Variants in NEGR1 observed in about 807,000 individuals in gnomAD.
NEGR1 encodes the protein IgLON family member 4.
NEGR1 carries 10 observed loss-of-function variants against 40.9 expected under a neutral mutation model. The ratio of observed to expected loss-of-function variants is 0.24; its 90% CI spans 0.15 to 0.42. The LOEUF is 0.42. Among genes scored for constraint, NEGR1 ranks in the 10% least tolerant of loss-of-function variants. NEGR1 has a pLI of 1.00. For synonymous variants in NEGR1, 185 were observed against 166.8 expected (o/e 1.11, Z -0.84); for missense variants, 352 against 438.9 (o/e 0.80, Z 1.77).
chr1:72,068,027 C>A (rs1340775139), intron 1 of NEGR1, among the ~76,000 whole-genome samples: 1 of 152,190 alleles, frequency 6.6e-6, no homozygotes, highest in Non-Finnish European at 1.5e-5. Flanking sequence ...GGAGGAGCAT[C>A]TCTTTTTTAT....
chr1:72,076,667 C>T (rs1647751378), intron 1 of NEGR1, among the ~76,000 whole-genome samples: 2 of 151,972 alleles, frequency 1.3e-5, no homozygotes, highest in South Asian at 2.1e-4. Flanking sequence ...TCCGTGTGTG[C>T]GTATGTGTGT....
At chr1:71,594,892 A>T (rs1649645094) in intron 5 of NEGR1, among the ~76,000 whole-genome samples, 1 of 152,148 alleles carries the variant, frequency 6.6e-6, no homozygotes, top group Non-Finnish European at 1.5e-5. Flanking sequence ...AGACTACTAA[A>T]TCCCTGTTGT....
At chr1:71,702,719 A>G (rs1055342976) in intron 3 of NEGR1, among the ~76,000 whole-genome samples, 5 of 99,302 alleles carry the variant, frequency 5.0e-5, no homozygotes, top group Non-Finnish European at 1.0e-4. Flanking sequence ...AATGAGCAAA[A>G]CTTATTTAAA....
At chr1:71,718,391 A>G (rs1032381324) in intron 3 of NEGR1, among the ~76,000 whole-genome samples, 1 of 152,106 alleles carries the variant, frequency 6.6e-6, no homozygotes, top group Non-Finnish European at 1.5e-5. Flanking sequence ...CCATGATTGA[A>G]AGTTCCTTGA....
At chr1:72,259,838 T>G (rs114872961) in intron 1 of NEGR1, among the ~76,000 whole-genome samples, 2 of 152,206 alleles carry the variant, frequency 1.3e-5, no homozygotes, top group African/African-American at 4.8e-5. Flanking sequence ...GCAGGCAAAA[T>G]CGCTATGCAG....
intron 1 of NEGR1, among the ~76,000 whole-genome samples, chr1:72,160,283 A>G (rs1283315900): frequency 6.6e-6 from 1 of 152,146 alleles, no homozygotes; most frequent in African/African-American, 2.4e-5. Context: ...GACTTTTCTC[A>G]CTGGAATATT....
chr1:71,751,111 G>A (rs1369822686), intron 3 of NEGR1, among the ~76,000 whole-genome samples: 1 of 151,006 alleles, frequency 6.6e-6, no homozygotes, highest in African/African-American at 2.4e-5. Context: ...TCTTTAGCCT[G>A]TATCCCTTTT....
chr1:71,935,030 T>C (rs368414687), intron 2 of NEGR1, 49 bp downstream of exon 2: 2 of 1,090,364 alleles, frequency 1.8e-6, no homozygotes, highest in Admixed American at 1.9e-5. Flanking sequence ...AAATATTAAA[T>C]ATTTCTAAGC....
intron 1 of NEGR1, among the ~76,000 whole-genome samples, chr1:72,195,107 A>G (rs1276577490): frequency 6.6e-6 from 1 of 152,076 alleles, no homozygotes; most frequent in Admixed American, 6.6e-5. Flanking sequence ...ACATAGCTCT[A>G]CATTCAATAT....
chr1:71,634,571 G>A (rs916392533), intron 4 of NEGR1, among the ~76,000 whole-genome samples: 1 of 152,052 alleles, frequency 6.6e-6, no homozygotes, highest in Non-Finnish European at 1.5e-5. Context: ...TCCTAAATAG[G>A]TAAAAACTAG....
chr1:71,718,247 T>C lies in NEGR1; in HGVS notation c.536-20108A>G, dbSNP rs571454541. Among the ~76,000 whole-genome samples, 6 of 152,198 alleles carry C rather than the reference T, an allele frequency of 3.9e-5. No homozygotes were observed. In the South Asian group the frequency reaches 1.2e-3, roughly 32 times the overall value. On this transcript the variant is annotated intron_variant, in intron 3 of 6. Coordinates refer to ENST00000357731, the MANE Select transcript of NEGR1 (RefSeq NM_173808.3). ...TATTATGTGGAAGATCCCTCATGAG[T>C]TGGTGTTGTCTTCATTATAGTGAGT...
At chr1:71,655,369 TA>T (rs1325038318) in intron 4 of NEGR1, among the ~76,000 whole-genome samples, 1 of 152,190 alleles carries the variant, frequency 6.6e-6, no homozygotes, top group Non-Finnish European at 1.5e-5. Flanking sequence ...TGACACCATT[TA>T]TACCTAAAGC....
At chr1:72,277,396 A>G (rs931169603) in intron 1 of NEGR1, among the ~76,000 whole-genome samples, 1 of 152,194 alleles carries the variant, frequency 6.6e-6, no homozygotes, top group African/African-American at 2.4e-5. Context: ...TGCAAAGTCT[A>G]TCTATTTAAA....
chr1:72,142,980 G>T (rs892802806), intron 1 of NEGR1, among the ~76,000 whole-genome samples: 6 of 151,902 alleles, frequency 3.9e-5, no homozygotes, highest in Non-Finnish European at 7.4e-5. Context: ...AACCAAAGGA[G>T]AAATTTCTAT....
chr1:72,032,470 ATTC>A (rs1386726987), intron 1 of NEGR1, among the ~76,000 whole-genome samples: 6 of 152,162 alleles, frequency 3.9e-5, no homozygotes, highest in Non-Finnish European at 7.3e-5. Flanking sequence ...CTTCACGCAA[ATTC>A]TTCAGCTTTT....
At chr1:71,645,850 T>C (rs1394745094) in intron 4 of NEGR1, among the ~76,000 whole-genome samples, 1 of 151,804 alleles carries the variant, frequency 6.6e-6, no homozygotes, top group Non-Finnish European at 1.5e-5. Context: ...AGTTGAGTAA[T>C]GATTGGGAAG....
At chr1:71,588,747 AAAG>A (rs1415503669) in intron 6 of NEGR1, among the ~76,000 whole-genome samples, 2 of 152,132 alleles carry the variant, frequency 1.3e-5, no homozygotes, top group African/African-American at 4.8e-5. Context: ...CCTCGCACCC[AAAG>A]AAGATTTGAG....
chr1:71,714,324 G>C (rs1056393226), intron 3 of NEGR1, among the ~76,000 whole-genome samples: 2 of 152,118 alleles, frequency 1.3e-5, no homozygotes, highest in East Asian at 1.9e-4. Context: ...AGGTGAGATT[G>C]GGGTGAGGAC....
At chr1:71,550,142 G>A (rs1648028687) in intron 6 of NEGR1, among the ~76,000 whole-genome samples, 1 of 151,584 alleles carries the variant, frequency 6.6e-6, no homozygotes, top group Admixed American at 6.6e-5. Context: ...GACAGTCTTT[G>A]AGTTTTTTTA....
Sources: allele counts gnomAD v4.1 joint callset (sites outside exome capture counted in the v4.1 genomes callset), GRCh38; gene constraint gnomAD v4.1.1; transcripts MANE v1.5; gene names NCBI Gene and HGNC (gene_info 2026-07-23, HGNC 2026-07-21).